The following TNN variants were observed in gnomAD, a reference collection of about 807,000 sequenced individuals.
TNN encodes tenascin N.
A neutral mutation model predicts 134.4 loss-of-function variants in TNN; 122 were observed. The ratio of observed to expected loss-of-function variants is 0.91; its 90% CI spans 0.78 to 1.06. The LOEUF is 1.06. Ranked by LOEUF, TNN falls within the 50% of genes least tolerant of loss-of-function variation. The probability of loss-of-function intolerance (pLI) is 0.00; values close to 1 mark genes in which losing one functional copy is unlikely to be tolerated. For missense variants in TNN, 1,739 were observed against 1,699.4 expected (o/e 1.02, Z -0.41); for synonymous variants, 710 against 670.3 (o/e 1.06, Z -0.91).
At chr1:175,124,308 C>T (rs1017475570) in intron 12 of TNN, among the ~76,000 whole-genome samples, 1 of 151,784 alleles carries the variant, frequency 6.6e-6, no homozygotes, top group Non-Finnish European at 1.5e-5. Flanking sequence ...AATTAGCTTG[C>T]ATTTTTAATC....
At chr1:175,142,438 C>T (rs10732995) in intron 17 of TNN, among the ~76,000 whole-genome samples, 149,156 of 152,310 alleles carry the variant, frequency 0.98, 73,046 homozygotes, top group East Asian at 1. Flanking sequence ...TGCTGCTCCA[C>T]AGCAGGTATT....
chr1:175,119,805 T>C (rs973565746), intron 11 of TNN, among the ~76,000 whole-genome samples: 3 of 151,864 alleles, frequency 2.0e-5, no homozygotes, highest in South Asian at 4.2e-4. Context: ...CGGCTAATTT[T>C]GTTTTTGTAT....
chr1:175,081,699 G>A (rs139491450), intron 4 of TNN, among the ~76,000 whole-genome samples: 1 of 152,270 alleles, frequency 6.6e-6, no homozygotes, highest in East Asian at 1.9e-4. Context: ...GAACAACTTG[G>A]GTGTCTTGAT....
rs59588723 is a variant in TNN, at chr1:175,127,022, G to A, written c.2982G>A (p.Thr994=). The change falls in exon 13 of 19, where the codon ACG becomes ACA. Residue 994 remains threonine, a synonymous_variant. Coordinates refer to ENST00000239462, the MANE Select transcript of TNN (RefSeq NM_022093.2). ...AGTCTGGTGGCATATTGACCTGGAC[G>A]CCCCCCTCTGCTCAGATCCACGGCT... is the stretch of plus-strand genomic sequence containing the variant. ...VTQSGGILTW[T]PPSAQIHGYI... is the part of the protein sequence containing the mutation. 2,602 of 1,614,034 alleles carry A rather than the reference G, an allele frequency of 1.6e-3. 18 individuals carry two copies. The African/African-American group carries it at 0.025, about 16-fold the overall frequency.
At chr1:175,095,855 G>A (rs138106390) in intron 7 of TNN, among the ~76,000 whole-genome samples, 30 of 152,316 alleles carry the variant, frequency 2.0e-4, no homozygotes, top group African/African-American at 5.1e-4. Flanking sequence ...AAATACAGGC[G>A]TGAGCCACCA....
In TNN at chr1:175,122,387, C is replaced by CAACAA. The variant is rs961798547; in HGVS notation, c.2651-998_2651-994dup. Among the ~76,000 whole-genome samples, 30 of 152,118 alleles carry CAACAA rather than the reference C, an allele frequency of 2.0e-4. No individual in the cohort carries two copies. The East Asian group carries it at 2.3e-3, about 12-fold the overall frequency. ...TGGGTGAAAGACCGAGACTCTGTATCAACAAAACAAAACAAAACACAACAA... is the reference window on the plus strand; with the variant it reads ...TGGGTGAAAGACCGAGACTCTGTATCAACAAAACAAAACAAAACAAAACACAACAA... On this transcript the variant is annotated intron_variant, in intron 11 of 18. Transcript: ENST00000239462.
rs1675411147 is a variant in TNN at position 175,122,813 on chromosome 1, TG to T, written c.2651-586del. 2.0e-5 allele frequency among the ~76,000 whole-genome samples: 3 copies of T among 152,290 alleles called. No individual in the cohort carries two copies. In the South Asian group the frequency reaches 6.2e-4, roughly 32 times the overall value. ...GGAGAGGATGGGGGATTCTAGACCT[TG>T]CTTGTCTGGGACTGATGACAGAGAA... On this transcript the variant is annotated intron_variant, in intron 11 of 18. Coordinates refer to ENST00000239462, the MANE Select transcript of TNN (RefSeq NM_022093.2).
intron 9 of TNN, among the ~76,000 whole-genome samples, chr1:175,104,838 G>T (rs867897243): frequency 6.9e-6 from 1 of 145,902 alleles, no homozygotes. Context: ...TCTTGTAGCC[G>T]CTCGAGGAAG....
chr1:175,074,641 G>A (rs1024133909), intron 1 of TNN, among the ~76,000 whole-genome samples: 2 of 152,146 alleles, frequency 1.3e-5, no homozygotes, highest in Middle Eastern at 3.2e-3. Flanking sequence ...GAAGAAGTGA[G>A]CTTTTATTAT....
intron 13 of TNN, among the ~76,000 whole-genome samples, chr1:175,127,689 C>A (rs1675566864): frequency 6.6e-6 from 1 of 152,206 alleles, no homozygotes; most frequent in Admixed American, 6.5e-5. Context: ...CGCGGCATTG[C>A]CAGCCTGTTC....
rs528565931 is a variant in TNN at position 175,128,088 on chromosome 1, C to T, written c.3102C>T (p.Gly1034=). Reference sequence around the variant, plus strand: ...TTGCGTTGCAAGGCCTTGAGCAAGGCGCCACCTACCCTGTCTCCCTTGTTG... The same window carrying T: ...TTGCGTTGCAAGGCCTTGAGCAAGGTGCCACCTACCCTGTCTCCCTTGTTG... ...QRFALQGLEQ[G]ATYPVSLVAF... Residue 1034 remains glycine (G), a synonymous_variant, in exon 14 of 19, where the codon GGC becomes GGT. Coordinates refer to ENST00000239462, the MANE Select transcript of TNN (RefSeq NM_022093.2). The T allele has an allele frequency of 1.9e-5, 31 of 1,614,056 alleles. No homozygotes were observed. The highest frequency in any genetic ancestry group is 1.2e-4 in the African/African-American group (9 of 75,052).
intron 9 of TNN, among the ~76,000 whole-genome samples, chr1:175,112,598 C>CTGTTTTTTTTT (rs1675058784): frequency 4.6e-5 from 1 of 21,974 alleles, no homozygotes; most frequent in Non-Finnish European, 8.3e-5. Flanking sequence ...GCCGGCCGAT[C>CTGTTTTTTTTT]TTTTTTTTTT....
At chr1:175,072,911 G>T in intron 1 of TNN, among the ~76,000 whole-genome samples, 1 of 147,046 alleles carries the variant, frequency 6.8e-6, no homozygotes, top group East Asian at 2.0e-4. Context: ...TGTGGTTGAT[G>T]GCAAGAGTCC....
rs938900698 is a variant in TNN at position 175,105,198 on chromosome 1, C to A, written c.2119+6603C>A. On this transcript the variant is annotated intron_variant, in intron 9 of 18. Coordinates refer to ENST00000239462, the MANE Select transcript of TNN (RefSeq NM_022093.2). ...CTCCAAGTGAGGTCAAAGGTTTGCC[C>A]TAGACCCTGTAGGACATCTATGTAC... Among the ~76,000 whole-genome samples the A allele has an allele frequency of 1.6e-4, 24 of 146,134 alleles. 2 individuals carry two copies. The highest frequency in any genetic ancestry group is 8.2e-4 in the Admixed American group (12 of 14,568).
intron 9 of TNN, among the ~76,000 whole-genome samples, chr1:175,116,449 A>G (rs779500581): frequency 4.6e-5 from 7 of 152,240 alleles, no homozygotes; most frequent in Admixed American, 4.6e-4. Context: ...GAAGTAAAGC[A>G]ACTTGCCCCA....
intron 16 of TNN, among the ~76,000 whole-genome samples, chr1:175,136,287 C>T (rs900003303): frequency 1.3e-5 from 2 of 152,178 alleles, no homozygotes; most frequent in African/African-American, 4.8e-5. Context: ...CTCTAAAATT[C>T]TGTTCGTGAT....
intron 8 of TNN, 136 bp from the exon 9 acceptor site, chr1:175,098,196 C>T: frequency 7.9e-7 from 1 of 1,273,238 alleles, no homozygotes; most frequent in Non-Finnish European, 1.1e-6. Context: ...CCTTAGACTC[C>T]CAGCGGAGAC....
chr1:175,085,312 C>T, intron 5 of TNN, 93 bp from the exon 6 acceptor site: 1 of 803,294 alleles, frequency 1.2e-6, no homozygotes, highest in East Asian at 2.7e-5. Flanking sequence ...CACCTCTCAT[C>T]TTCCCTCACG....
chr1:175,115,219 A>G (rs753876126), intron 9 of TNN, among the ~76,000 whole-genome samples: 1 of 152,124 alleles, frequency 6.6e-6, no homozygotes, highest in African/African-American at 2.4e-5. Flanking sequence ...CCAGTGGGCA[A>G]TGTGCCACTC....
Sources: gnomAD v4.1 joint callset for allele counts (sites outside exome capture counted in the v4.1 genomes callset) on GRCh38, gnomAD v4.1.1 for gene constraint, MANE v1.5 for transcripts, NCBI Gene and HGNC (gene_info 2026-07-23, HGNC 2026-07-21) for gene names.